Variants in KAZN observed in about 807,000 individuals in gnomAD.
The protein encoded by KAZN is kazrin, periplakin interacting protein.
A neutral mutation model predicts 87.4 loss-of-function variants in KAZN; 40 were observed. That is an observed-to-expected ratio of 0.46 (90% CI 0.36 to 0.60). The LOEUF is 0.60. Among genes scored for constraint, KAZN ranks in the 20% least tolerant of loss-of-function variants. KAZN has a pLI of 0.00. For synonymous variants in KAZN, 466 were observed against 458.3 expected, an observed-to-expected ratio of 1.02 and a Z score of -0.22; for missense variants, 898 against 1,073.9, an observed-to-expected ratio of 0.84 and a Z score of 2.29.
At chr1:14,688,478 C>G (rs1641088118) in intron 1 of KAZN, among the ~76,000 whole-genome samples, 1 of 152,198 alleles carries the variant, frequency 6.6e-6, no homozygotes. Flanking sequence ...GGGTAGACAT[C>G]AAGGAGGATA....
At chr1:14,962,051 T>A (rs1315939061) in intron 2 of KAZN, among the ~76,000 whole-genome samples, 2 of 152,248 alleles carry the variant, frequency 1.3e-5, no homozygotes, top group Non-Finnish European at 2.9e-5. Context: ...GGTGGCCTTG[T>A]CCCAGCTAGG....
intron 1 of KAZN, among the ~76,000 whole-genome samples, chr1:13,905,184 T>C (rs559515562): frequency 7.2e-4 from 109 of 152,358 alleles, no homozygotes; most frequent in African/African-American, 2.5e-3. Flanking sequence ...TTAAAATTAA[T>C]ACTTATCTGA....
At chr1:14,460,115 C>T (rs1470319920) in intron 2 of KAZN, among the ~76,000 whole-genome samples, 1 of 152,196 alleles carries the variant, frequency 6.6e-6, no homozygotes, top group Non-Finnish European at 1.5e-5. Context: ...CAAGCCTGGG[C>T]CTGGTCGACT....
At chr1:14,173,842 C>T (rs1439737158) in intron 1 of KAZN, among the ~76,000 whole-genome samples, 1 of 152,090 alleles carries the variant, frequency 6.6e-6, no homozygotes, top group Non-Finnish European at 1.5e-5. Flanking sequence ...ACCTCAGGGA[C>T]TTGGGAGTGG....
At chr1:14,132,190 C>T (rs1055792420) in intron 1 of KAZN, among the ~76,000 whole-genome samples, 1 of 152,288 alleles carries the variant, frequency 6.6e-6, no homozygotes, top group Admixed American at 6.5e-5. Context: ...CTCATTGACA[C>T]CCCATCTCCT....
intron 2 of KAZN, among the ~76,000 whole-genome samples, chr1:14,472,590 T>A (rs1221546891): frequency 1.3e-5 from 2 of 151,672 alleles, no homozygotes; most frequent in Non-Finnish European, 2.9e-5. Flanking sequence ...TACCTGGAAG[T>A]AGCAGAAAAC....
At chr1:14,515,297 A>T (rs993340225) in intron 2 of KAZN, among the ~76,000 whole-genome samples, 1 of 152,208 alleles carries the variant, frequency 6.6e-6, no homozygotes, top group Non-Finnish European at 1.5e-5. Flanking sequence ...AACTTGTCCA[A>T]TGTTCCTCAG....
intron 1 of KAZN, chr1:14,929,724 G>A (rs964616176): frequency 1.0e-6 from 1 of 959,350 alleles, no homozygotes; most frequent in Non-Finnish European, 1.2e-6. Flanking sequence ...GGGGTGTGCG[G>A]GCGTGGAGTT....
chr1:14,504,069 C>A (rs960092672), intron 2 of KAZN, among the ~76,000 whole-genome samples: 1 of 152,154 alleles, frequency 6.6e-6, no homozygotes, highest in Admixed American at 6.5e-5. Context: ...GTGCCCTAGT[C>A]GCTTTGATTG....
chr1:14,492,032 A>C (rs2148409636), intron 2 of KAZN, among the ~76,000 whole-genome samples: 1 of 152,312 alleles, frequency 6.6e-6, no homozygotes, highest in Non-Finnish European at 1.5e-5. Flanking sequence ...ATTAAACAAA[A>C]ATGGAAAAAG....
At chr1:14,715,191 A>G (rs998323352) in intron 1 of KAZN, among the ~76,000 whole-genome samples, 1 of 152,134 alleles carries the variant, frequency 6.6e-6, no homozygotes, top group African/African-American at 2.4e-5. Flanking sequence ...CTTGGCTGAG[A>G]CGCCCTGGCT....
intron 2 of KAZN, among the ~76,000 whole-genome samples, chr1:14,373,772 A>G (rs1660690944): frequency 6.6e-6 from 1 of 152,136 alleles, no homozygotes; most frequent in Non-Finnish European, 1.5e-5. Context: ...CCCCAAGGTG[A>G]TGTGTAAGAT....
At chr1:14,962,015 G>T (rs377100153) in intron 2 of KAZN, among the ~76,000 whole-genome samples, 8 of 152,250 alleles carry the variant, frequency 5.3e-5, no homozygotes, top group Non-Finnish European at 1.2e-4. Flanking sequence ...GATGCAGAGG[G>T]TTCTGGGAAA....
intron 1 of KAZN, among the ~76,000 whole-genome samples, chr1:14,792,991 A>C (rs1645723757): frequency 6.6e-6 from 1 of 151,416 alleles, no homozygotes; most frequent in South Asian, 2.1e-4. Context: ...AAAAAAAAAA[A>C]CATTCAGGAC....
chr1:14,464,992 A>G (rs1668041851), intron 2 of KAZN, among the ~76,000 whole-genome samples: 1 of 152,092 alleles, frequency 6.6e-6, no homozygotes, highest in African/African-American at 2.4e-5. Flanking sequence ...TGATTTTGTG[A>G]GTCAGGAATC....
intron 2 of KAZN, among the ~76,000 whole-genome samples, chr1:14,465,369 A>T (rs544653034): frequency 3.7e-4 from 49 of 133,612 alleles, no homozygotes; most frequent in Non-Finnish European, 6.6e-4. Flanking sequence ...ACTGCACTCC[A>T]GCCTGGGCAA....
At chr1:14,036,333 G>A (rs571100383) in intron 1 of KAZN, among the ~76,000 whole-genome samples, 41 of 152,308 alleles carry the variant, frequency 2.7e-4, no homozygotes, top group African/African-American at 9.9e-4. Context: ...TCATGTGGCT[G>A]TTCAGGCTTC....
chr1:15,044,292 G>C (rs1399482629), intron 4 of KAZN, 133 bp downstream of exon 4: 25 of 932,346 alleles, frequency 2.7e-5, no homozygotes, highest in Non-Finnish European at 1.8e-5. Context: ...ACAAGCAGGG[G>C]GCAGGGCCCG....
intron 2 of KAZN, among the ~76,000 whole-genome samples, chr1:14,397,912 A>T (rs186083267): frequency 2.8e-4 from 42 of 151,504 alleles, no homozygotes; most frequent in Admixed American, 2.8e-3. Context: ...CTGTTCTGAG[A>T]TAAGGCTTCA....
Sources: gnomAD v4.1 joint callset for allele counts (sites outside exome capture counted in the v4.1 genomes callset) on GRCh38, gnomAD v4.1.1 for gene constraint, MANE v1.5 for transcripts, NCBI Gene and HGNC (gene_info 2026-07-23, HGNC 2026-07-21) for gene names.